MMP16: variants seen among roughly 807,000 people sequenced by gnomAD.
MMP16 encodes matrix metalloproteinase-16.
In MMP16, 12 loss-of-function variants were observed where a neutral mutation model predicts 67.8. That is an observed-to-expected ratio of 0.18 (90% confidence interval 0.11 to 0.29). The LOEUF (loss-of-function observed/expected upper bound fraction) is 0.29, where lower values mean the gene tolerates loss of function less well. Ranked by LOEUF, MMP16 falls within the 10% of genes least tolerant of loss-of-function variation. MMP16 has a pLI of 1.00. For synonymous variants in MMP16, 249 were observed against 255.9 expected, an observed-to-expected ratio of 0.97 and a Z score of 0.26; for missense variants, 475 against 765.7, an observed-to-expected ratio of 0.62 and a Z score of 4.48.
chr8:88,148,767 C>A (rs1167732809), intron 4 of MMP16, among the ~76,000 whole-genome samples: 1 of 152,078 alleles, frequency 6.6e-6, no homozygotes, highest in Admixed American at 6.5e-5. Context: ...TTTTGTCTTC[C>A]AAAAGTAACC....
chr8:88,056,031 GGATTCTTCAAC>G, intron 8 of MMP16, 86 bp downstream of exon 8: 1 of 938,486 alleles, frequency 1.1e-6, no homozygotes. Context: ...AAATCCACCA[GGATTCTTCAAC>G]AGCTGATGCC....
intron 4 of MMP16, among the ~76,000 whole-genome samples, chr8:88,147,211 T>C (rs1808308146): frequency 6.6e-6 from 1 of 152,044 alleles, no homozygotes. Flanking sequence ...TTTATTTTGG[T>C]TTTCTTCTAT....
intron 1 of MMP16, among the ~76,000 whole-genome samples, chr8:88,268,559 G>C (rs1003192161): frequency 4.6e-5 from 7 of 152,090 alleles, no homozygotes; most frequent in African/African-American, 1.7e-4. Flanking sequence ...ATATACAAAA[G>C]AGATAAAACA....
intron 1 of MMP16, among the ~76,000 whole-genome samples, chr8:88,212,488 T>A (rs1809527886): frequency 6.6e-6 from 1 of 152,130 alleles, no homozygotes; most frequent in South Asian, 2.1e-4. Context: ...CATAATAATA[T>A]TTCCAAAATA....
At chr8:88,196,706 A>G (rs1809262406) in intron 2 of MMP16, among the ~76,000 whole-genome samples, 1 of 152,126 alleles carries the variant, frequency 6.6e-6, no homozygotes, top group African/African-American at 2.4e-5. Context: ...CCTCCTACCC[A>G]AAATAAGAGC....
intron 1 of MMP16, among the ~76,000 whole-genome samples, chr8:88,241,871 C>A (rs1207163477): frequency 6.6e-6 from 1 of 152,060 alleles, no homozygotes; most frequent in African/African-American, 2.4e-5. Flanking sequence ...TCGTCTAGCT[C>A]TTTGAAAATA....
intron 7 of MMP16, among the ~76,000 whole-genome samples, chr8:88,065,440 A>G (rs915271461): frequency 1.3e-5 from 2 of 152,148 alleles, no homozygotes; most frequent in Non-Finnish European, 2.9e-5. Context: ...TCAAATATTA[A>G]ACATTTGGAC....
chr8:88,308,681 T>A (rs376800186), intron 1 of MMP16, among the ~76,000 whole-genome samples: 4 of 151,928 alleles, frequency 2.6e-5, no homozygotes, highest in African/African-American at 9.7e-5. Context: ...TTCATGCACA[T>A]AAAAAGAAAA....
At chr8:88,284,906 C>G (rs1379514180) in intron 1 of MMP16, among the ~76,000 whole-genome samples, 1 of 150,990 alleles carries the variant, frequency 6.6e-6, no homozygotes, top group South Asian at 2.1e-4. Flanking sequence ...CAGCTAATTC[C>G]TACTTATCCT....
intron 3 of MMP16, among the ~76,000 whole-genome samples, chr8:88,170,026 G>A (rs1808774309): frequency 6.6e-6 from 1 of 152,194 alleles, no homozygotes; most frequent in Non-Finnish European, 1.5e-5. Flanking sequence ...CCAGGTGAGA[G>A]ATGATGGTGC....
intron 6 of MMP16, among the ~76,000 whole-genome samples, 200 bp downstream of exon 6, chr8:88,116,307 T>C (rs2118428080): frequency 6.6e-6 from 1 of 152,236 alleles, no homozygotes; most frequent in Middle Eastern, 3.4e-3. Context: ...CACGAATGCA[T>C]TCCCAAAATA....
At chr8:88,062,144 A>G (rs577852424) in intron 7 of MMP16, among the ~76,000 whole-genome samples, 1 of 152,218 alleles carries the variant, frequency 6.6e-6, no homozygotes, top group African/African-American at 2.4e-5. Context: ...ATACAATTAT[A>G]CAATTCCTTT....
chr8:88,065,078 T>C (rs2118249729), intron 7 of MMP16, among the ~76,000 whole-genome samples: 1 of 152,228 alleles, frequency 6.6e-6, no homozygotes, highest in East Asian at 1.9e-4. Flanking sequence ...GTGAGTCCTC[T>C]AAGAGGCATT....
chr8:88,199,755 C>A (rs1056182891), intron 1 of MMP16, among the ~76,000 whole-genome samples: 1 of 151,838 alleles, frequency 6.6e-6, no homozygotes, highest in Non-Finnish European at 1.5e-5. Context: ...ATATATATCA[C>A]AGATTATACC....
chr8:88,190,677 A>G (rs186968761), intron 2 of MMP16, among the ~76,000 whole-genome samples: 28 of 152,326 alleles, frequency 1.8e-4, no homozygotes, highest in African/African-American at 6.7e-4. Flanking sequence ...AAACAGGAAT[A>G]TATAACTATA....
Position 88,296,215 on chromosome 8 carries a change from A to G in MMP16, c.132+30860T>C, listed in dbSNP as rs139865865. Among the ~76,000 whole-genome samples the G allele has an allele frequency of 5.4e-3, 827 of 152,326 alleles. 9 individuals are homozygous for G. Among genetic ancestry groups the G allele is most frequent in the African/African-American group, 0.019 (783 of 41,580 alleles). ...CTGGGATGTAAAGATGGATAATAAT[A>G]TAACTCTATCTTTAACAATTCTGAA... On this transcript the variant is annotated intron_variant, in intron 1 of 9. Transcript: ENST00000286614.
intron 3 of MMP16, among the ~76,000 whole-genome samples, chr8:88,171,803 A>G (rs1808807866): frequency 6.6e-6 from 1 of 151,996 alleles, no homozygotes; most frequent in African/African-American, 2.4e-5. Flanking sequence ...ATTTAAATAT[A>G]TATGATGAAT....
At chr8:88,219,558 C>T (rs1399696856) in intron 1 of MMP16, among the ~76,000 whole-genome samples, 1 of 152,044 alleles carries the variant, frequency 6.6e-6, no homozygotes, top group Non-Finnish European at 1.5e-5. Context: ...TGAAAGGTAG[C>T]CTGTTGGGAT....
chr8:88,242,155 T>A (rs1013835006), intron 1 of MMP16, among the ~76,000 whole-genome samples: 1 of 152,214 alleles, frequency 6.6e-6, no homozygotes, highest in African/African-American at 2.4e-5. Context: ...TCTGAAGATG[T>A]TGAAATGAGA....
Sources: gnomAD v4.1 joint callset for allele counts (sites outside exome capture counted in the v4.1 genomes callset) on GRCh38, gnomAD v4.1.1 for gene constraint, MANE v1.5 for transcripts, NCBI Gene and HGNC (gene_info 2026-07-23, HGNC 2026-07-21) for gene names.